Variants in DPP10 observed in about 807,000 individuals in gnomAD.
DPP10 encodes the protein inactive dipeptidyl peptidase 10.
Under a neutral mutation model 120.9 loss-of-function variants are expected in DPP10, and 33 were observed. That is an observed-to-expected ratio of 0.27 (90% CI 0.21 to 0.37). The LOEUF (loss-of-function observed/expected upper bound fraction) is 0.37. DPP10 is among the 10% of genes least tolerant of loss of function. The pLI is 1.00. For synonymous variants in DPP10, 337 were observed against 326.1 expected, an observed-to-expected ratio of 1.03 and a Z score of -0.36; for missense variants, 816 against 942.8, an observed-to-expected ratio of 0.87 and a Z score of 1.76.
At chr2:115,029,501 G>A (rs1703697360) in intron 1 of DPP10, among the ~76,000 whole-genome samples, 1 of 150,790 alleles carries the variant, frequency 6.6e-6, no homozygotes, top group South Asian at 2.1e-4. Flanking sequence ...TGGCTTTTAA[G>A]ACAGGTCTAA....
Position 115,088,768 on chromosome 2 carries a change from A to AAAAAAAAAAAAAAAAAAAAAAC in DPP10, c.61-220470_61-220469insAAAAAAAAAAAAAAAAAAAACA, listed in dbSNP as rs775985067. On this transcript the variant is annotated intron_variant, in intron 1 of 25. Transcript: ENST00000410059. ...TGCCTGACAAAAAAAAAAAAAAAAA[A>AAAAAAAAAAAAAAAAAAAAAAC]ACCAAAAAACAAAAAAAACCTTAAA... is the stretch of plus-strand genomic sequence containing the variant. 1.8e-4 allele frequency among the ~76,000 whole-genome samples: 24 copies of AAAAAAAAAAAAAAAAAAAAAAC among 134,824 alleles called. 2 individuals carry two copies. Among genetic ancestry groups the AAAAAAAAAAAAAAAAAAAAAAC allele is most frequent in the East Asian group, 4.5e-4 (2 of 4,472 alleles). The allele number at this position is 134,824 out of a possible 152,430, so 88.4% of individuals were successfully genotyped here. A position where few individuals can be genotyped will look rare whatever the true frequency, so the allele number is the denominator to read the frequency against.
At chr2:114,652,167 G>T (rs1473498674) in intron 1 of DPP10, among the ~76,000 whole-genome samples, 1 of 152,118 alleles carries the variant, frequency 6.6e-6, no homozygotes, top group Non-Finnish European at 1.5e-5. Context: ...AGTGCTGGGG[G>T]GTGGGTTCCC....
intron 7 of DPP10, among the ~76,000 whole-genome samples, chr2:115,706,857 G>A (rs778593137): frequency 6.6e-6 from 1 of 151,874 alleles, no homozygotes; most frequent in Non-Finnish European, 1.5e-5. Flanking sequence ...CTCCCCAAAG[G>A]GAACTGTGGT....
chr2:114,897,011 T>C (rs1160301833), intron 1 of DPP10, among the ~76,000 whole-genome samples: 1 of 152,254 alleles, frequency 6.6e-6, no homozygotes, highest in East Asian at 1.9e-4. Flanking sequence ...TTTTTGTCTT[T>C]GGCTCTGTTT....
At chr2:114,492,088 T>C (rs910456679) in intron 1 of DPP10, among the ~76,000 whole-genome samples, 1 of 152,216 alleles carries the variant, frequency 6.6e-6, no homozygotes, top group Non-Finnish European at 1.5e-5. Flanking sequence ...ATATTTCATT[T>C]CTGTTTCTCT....
At chr2:115,359,295 C>T (rs1000983894) in intron 3 of DPP10, among the ~76,000 whole-genome samples, 1 of 152,092 alleles carries the variant, frequency 6.6e-6, no homozygotes, top group Non-Finnish European at 1.5e-5. Context: ...TTAGAACTCC[C>T]TTAAAGACCT....
At chr2:114,694,261 G>T (rs1483040797) in intron 1 of DPP10, among the ~76,000 whole-genome samples, 1 of 151,802 alleles carries the variant, frequency 6.6e-6, no homozygotes, top group African/African-American at 2.4e-5. Context: ...CAAGCATATG[G>T]TAAGACCTTA....
chr2:114,464,277 G>T (rs1679170003), intron 1 of DPP10, among the ~76,000 whole-genome samples: 1 of 152,036 alleles, frequency 6.6e-6, no homozygotes, highest in Non-Finnish European at 1.5e-5. Flanking sequence ...ATTTTTTTAA[G>T]ATTTCAGTCA....
At chr2:114,500,315 G>A (rs991363938) in intron 1 of DPP10, among the ~76,000 whole-genome samples, 6 of 152,130 alleles carry the variant, frequency 3.9e-5, no homozygotes, top group Admixed American at 6.5e-5. Context: ...GAGAATTTGC[G>A]GAATTAGGTC....
At position 114,566,408 on chromosome 2, in the gene DPP10, A is replaced by G. The variant is rs147732757; in HGVS notation, c.60+123570A>G. 5.7e-3 allele frequency among the ~76,000 whole-genome samples: 865 copies of G among 152,354 alleles called. 6 individuals carry two copies. The highest frequency in any genetic ancestry group is 0.01 in the Middle Eastern group (3 of 294). On this transcript the variant is annotated intron_variant, in intron 1 of 25. Transcript: ENST00000410059. The stretch of plus-strand genomic sequence containing the variant: ...AATTTTATATGTGCAAGAAAGTTGC[A>G]AAGAGAGTGCAGAGAGTTCTCACAT...
rs1683577973 is a variant in DPP10 at position 114,505,583 on chromosome 2, G to A, written c.60+62745G>A. On this transcript the variant is annotated intron_variant, in intron 1 of 25. Transcript: ENST00000410059. ...TCAATATGCCCAAATAGCATATTTT[G>A]AGGTGGCATGTCCTGAACTCCTTCA... 2.6e-5 allele frequency among the ~76,000 whole-genome samples: 4 copies of A among 151,936 alleles called. No homozygotes were observed. The South Asian group carries it at 8.3e-4, about 32-fold the overall frequency.
intron 1 of DPP10, among the ~76,000 whole-genome samples, chr2:114,708,583 G>C (rs1364067221): frequency 1.3e-5 from 2 of 152,110 alleles, no homozygotes; most frequent in African/African-American, 4.8e-5. Flanking sequence ...TGCTCCAGAG[G>C]AATGTTTTGT....
intron 1 of DPP10, among the ~76,000 whole-genome samples, chr2:115,209,229 AC>A (rs1382298461): frequency 6.6e-6 from 1 of 152,130 alleles, no homozygotes; most frequent in Non-Finnish European, 1.5e-5. Context: ...GCTGTCTAAA[AC>A]CTACTAAAAC....
chr2:115,766,183 G>A (rs897754806), intron 12 of DPP10, among the ~76,000 whole-genome samples: 7 of 151,292 alleles, frequency 4.6e-5, no homozygotes, highest in Non-Finnish European at 2.9e-5. Flanking sequence ...TGAGATTAGT[G>A]CAAAAGTAAT....
rs78598724 is a variant in DPP10 at position 114,830,326 on chromosome 2, A to G, written c.60+387488A>G. Among the ~76,000 whole-genome samples the G allele has an allele frequency of 2.6e-3, 390 of 152,062 alleles. 2 individuals are homozygous for G. Among genetic ancestry groups the G allele is most frequent in the African/African-American group, 9.1e-3 (377 of 41,480 alleles). ...TCAACCTGCTTTGCTTTTCCCAAAT[A>G]GTCAAAGATGACGCATGTTTCCCAT... On this transcript the variant is annotated intron_variant, in intron 1 of 25. Coordinates refer to ENST00000410059, the MANE Select transcript of DPP10 (RefSeq NM_020868.6).
chr2:115,840,343 A>G (rs1188669259), intron 24 of DPP10, among the ~76,000 whole-genome samples: 1 of 8,886 alleles, frequency 1.1e-4, no homozygotes, highest in Admixed American at 1.2e-3. Flanking sequence ...TTTTTTTTTG[A>G]GACGGAGTCT....
chr2:115,468,706 A>G, intron 3 of DPP10: 1 of 367,342 alleles, frequency 2.7e-6, no homozygotes, highest in South Asian at 2.2e-5. Flanking sequence ...CTACTGAAAA[A>G]GCTATGACCA....
intron 1 of DPP10, among the ~76,000 whole-genome samples, chr2:114,588,046 T>A (rs1408171654): frequency 6.6e-6 from 1 of 152,212 alleles, no homozygotes; most frequent in African/African-American, 2.4e-5. Flanking sequence ...GCTGCGCTAT[T>A]TTAGCACAAA....
intron 3 of DPP10, among the ~76,000 whole-genome samples, chr2:115,351,244 A>G (rs1268047385): frequency 6.6e-6 from 1 of 152,154 alleles, no homozygotes; most frequent in Non-Finnish European, 1.5e-5. Context: ...GCAGGAAGCC[A>G]TTATCCTGAG....
Sources: allele counts gnomAD v4.1 joint callset (sites outside exome capture counted in the v4.1 genomes callset), GRCh38; gene constraint gnomAD v4.1.1; transcripts MANE v1.5; gene names NCBI Gene and HGNC (gene_info 2026-07-23, HGNC 2026-07-21).